Variants in MACROH2A1 observed in about 807,000 individuals in gnomAD.
MACROH2A1 encodes the protein macroH2A.1 histone, also known as core histone macro-H2A.1.
A neutral mutation model predicts 31.6 loss-of-function variants in MACROH2A1; 2 were observed. That is an observed-to-expected ratio of 0.06 (90% CI 0.03 to 0.20). The LOEUF is 0.20. MACROH2A1 is among the 10% of genes least tolerant of loss of function. MACROH2A1 has a pLI of 1.00. For synonymous variants in MACROH2A1, 169 were observed against 189.6 expected (o/e 0.89, Z 0.89); for missense variants, 230 against 474.0 (o/e 0.49, Z 4.78).
intron 2 of MACROH2A1, among the ~76,000 whole-genome samples, chr5:135,376,899 A>G (rs1764954215): frequency 1.3e-5 from 2 of 152,214 alleles, no homozygotes; most frequent in African/African-American, 4.8e-5. Context: ...TCCTCTATCT[A>G]TAACTGGATG....
intron 1 of MACROH2A1, among the ~76,000 whole-genome samples, chr5:135,389,501 A>G (rs1766901149): frequency 6.6e-6 from 1 of 151,874 alleles, no homozygotes; most frequent in Non-Finnish European, 1.5e-5. Context: ...CAGCTATGAC[A>G]CCCTCCCCTA....
intron 2 of MACROH2A1, among the ~76,000 whole-genome samples, chr5:135,385,141 T>C (rs987192638): frequency 1.3e-5 from 2 of 152,190 alleles, no homozygotes; most frequent in Non-Finnish European, 2.9e-5. Context: ...GCACATCCCA[T>C]CACCATGCCT....
intron 4 of MACROH2A1, chr5:135,362,005 A>G (rs1207500647): frequency 2.0e-5 from 3 of 152,230 alleles, no homozygotes; most frequent in East Asian, 3.8e-4. Flanking sequence ...TGATTTTCCT[A>G]CTGAGTGTTT....
chr5:135,395,633 A>G (rs540031978), intron 1 of MACROH2A1, among the ~76,000 whole-genome samples: 1 of 152,274 alleles, frequency 6.6e-6, no homozygotes, highest in East Asian at 1.9e-4. Context: ...CTATCACACC[A>G]AATGATTAAC....
intron 2 of MACROH2A1, among the ~76,000 whole-genome samples, chr5:135,386,917 G>A (rs1170579123): frequency 5.3e-5 from 8 of 152,194 alleles, no homozygotes; most frequent in Non-Finnish European, 1.2e-4. Context: ...TGGCATTCGC[G>A]AGCCAGGGGC....
At chr5:135,388,488 T>C (rs991051215) in intron 2 of MACROH2A1, among the ~76,000 whole-genome samples, 5 of 152,182 alleles carry the variant, frequency 3.3e-5, no homozygotes, top group African/African-American at 1.2e-4. Context: ...TTCAAAAGTA[T>C]CAATGTCATG....
chr5:135,377,615 G>A (rs1447328806), intron 2 of MACROH2A1, among the ~76,000 whole-genome samples: 3 of 152,290 alleles, frequency 2.0e-5, no homozygotes, highest in Admixed American at 1.3e-4. Context: ...GAGCAGCTTC[G>A]CCCACTGGGA....
intron 1 of MACROH2A1, 58 bp from the exon 2 acceptor site, chr5:135,389,184 C>T: frequency 3.7e-6 from 5 of 1,353,180 alleles, no homozygotes; most frequent in Non-Finnish European, 5.1e-6. Flanking sequence ...TGTCCCCTTT[C>T]CAGGTACACT....
At chr5:135,345,676 C>T (rs1333370680) in intron 7 of MACROH2A1, 1 of 338,454 alleles carries the variant, frequency 3.0e-6, no homozygotes, top group East Asian at 5.5e-5. Flanking sequence ...CACTCACTCT[C>T]AGCTCTTAGA....
At chr5:135,347,745 G>A (rs1447938762) in intron 6 of MACROH2A1, 1 of 152,232 alleles carries the variant, frequency 6.6e-6, no homozygotes, top group Non-Finnish European at 1.5e-5. Flanking sequence ...AAAGGAATCT[G>A]GAGCCGGAAC....
At chr5:135,340,680 C>T (rs563904215) in intron 8 of MACROH2A1, among the ~76,000 whole-genome samples, 3 of 152,358 alleles carry the variant, frequency 2.0e-5, no homozygotes. Flanking sequence ...GGCTCTTTCC[C>T]AACATGCTTA....
chr5:135,356,947 G>A (rs1174823866), intron 5 of MACROH2A1: 2 of 152,170 alleles, frequency 1.3e-5, no homozygotes, highest in Admixed American at 6.5e-5. Flanking sequence ...AGGAAGCCTG[G>A]CTGACCACCT....
intron 2 of MACROH2A1, among the ~76,000 whole-genome samples, chr5:135,382,094 C>G (rs1157937860): frequency 6.6e-6 from 1 of 152,224 alleles, no homozygotes; most frequent in Non-Finnish European, 1.5e-5. Context: ...TTTGGTCACA[C>G]CTTTTTCCTT....
chr5:135,354,235 T>C (rs917526377), intron 5 of MACROH2A1: 3 of 152,206 alleles, frequency 2.0e-5, no homozygotes, highest in African/African-American at 4.8e-5. Flanking sequence ...ACAGAGCAAG[T>C]TGCTGCATTT....
chr5:135,363,307 C>T lies in MACROH2A1; in HGVS notation c.478-2700G>A, dbSNP rs1336774706. Among the ~76,000 whole-genome samples, 3 of 152,208 alleles carry T rather than the reference C, an allele frequency of 2.0e-5. No individual in the cohort carries two copies. The East Asian group carries it at 5.8e-4, about 29-fold the overall frequency. On this transcript the variant is annotated intron_variant, in intron 4 of 8. Transcript: ENST00000511689. ...AGAGACAAGCCATCACTGCCTGGTCCTATATAGCCTGCCCACTTGGCAAAA... is the reference window on the plus strand; with the variant it reads ...AGAGACAAGCCATCACTGCCTGGTCTTATATAGCCTGCCCACTTGGCAAAA...
chr5:135,351,502 G>A (rs1761536234), intron 6 of MACROH2A1: 1 of 143,924 alleles, frequency 6.9e-6, no homozygotes, highest in Non-Finnish European at 1.5e-5. Flanking sequence ...TATTTTTCCA[G>A]GCCCATCTCT....
chr5:135,357,713 T>A, intron 5 of MACROH2A1: 1 of 984,434 alleles, frequency 1.0e-6, no homozygotes. Context: ...GCAAAAGCAT[T>A]TAGTTGACTC....
At chr5:135,360,448 A>G in intron 5 of MACROH2A1, 49 bp downstream of exon 5, 5 of 1,215,270 alleles carry the variant, frequency 4.1e-6, no homozygotes, top group Non-Finnish European at 6.1e-6. Flanking sequence ...GCCTGTGCCC[A>G]CCTGTCCCTT....
chr5:135,336,994 G>A (rs1190776314), intron 8 of MACROH2A1, among the ~76,000 whole-genome samples: 1 of 152,234 alleles, frequency 6.6e-6, no homozygotes. Flanking sequence ...GCAGAGCCCA[G>A]TCTGTGGATG....
Sources: allele counts gnomAD v4.1 joint callset (sites outside exome capture counted in the v4.1 genomes callset), GRCh38; gene constraint gnomAD v4.1.1; transcripts MANE v1.5; gene names NCBI Gene and HGNC (gene_info 2026-07-23, HGNC 2026-07-21).